The following CCT7 variants were observed in gnomAD, a reference collection of about 807,000 sequenced individuals.
The protein encoded by CCT7 is chaperonin containing TCP1 subunit 7.
A neutral mutation model predicts 56.6 loss-of-function variants in CCT7; 16 were observed. The ratio of observed to expected loss-of-function variants is 0.28; its 90% CI spans 0.19 to 0.43. The LOEUF (loss-of-function observed/expected upper bound fraction) is 0.43, where lower values mean the gene tolerates loss of function less well. Ranked by LOEUF, CCT7 falls within the 20% of genes least tolerant of loss-of-function variation. CCT7 has a pLI of 1.00. For synonymous variants in CCT7, 262 were observed against 254.8 expected (o/e 1.03, Z -0.27); for missense variants, 519 against 685.6 (o/e 0.76, Z 2.71).
chr2:73,245,672 C>G (rs1687303843), intron 6 of CCT7, among the ~76,000 whole-genome samples: 1 of 152,176 alleles, frequency 6.6e-6, no homozygotes, highest in African/African-American at 2.4e-5. Flanking sequence ...TCAGTGACCT[C>G]AACTGAAGCG....
intron 10 of CCT7, 82 bp from the exon 11 acceptor site, chr2:73,251,144 C>T: frequency 3.1e-6 from 4 of 1,283,190 alleles, no homozygotes; most frequent in East Asian, 4.7e-5. Flanking sequence ...TCTTTCTGGG[C>T]TGAAGGGACC....
chr2:73,243,909 A>G, intron 4 of CCT7, 88 bp from the exon 5 acceptor site: 5 of 1,217,236 alleles, frequency 4.1e-6, no homozygotes. Context: ...TTTGGGAGTG[A>G]ACAGACTCAG....
chr2:73,244,569 T>C lies in CCT7; in HGVS notation c.472T>C (p.Cys158Arg). The part of the protein sequence containing the change: ...KVEQRKLLEK[C>R]AMTALSSKLI... ...GGAGCAGAGGAAGCTGCTGGAAAAG[T>C]GTGCCATGACCGCTCTGAGCTCCAA... The change falls in exon 6 of 12, where the codon TGT becomes CGT. Residue 158 changes from cysteine to arginine, a missense_variant. Transcript: ENST00000258091. 1 of 1,612,714 alleles carries C rather than the reference T, an allele frequency of 6.2e-7. No homozygotes were observed. Among genetic ancestry groups the C allele is most frequent in the African/African-American group, 1.3e-5 (1 of 75,008 alleles).
chr2:73,235,087 T>TACCA (rs1686816200), intron 1 of CCT7, among the ~76,000 whole-genome samples: 1 of 152,146 alleles, frequency 6.6e-6, no homozygotes, highest in African/African-American at 2.4e-5. Flanking sequence ...CGGACTCTGG[T>TACCA]GACATAAGAA....
intron 11 of CCT7, among the ~76,000 whole-genome samples, chr2:73,251,736 G>A (rs1261780055): frequency 1.3e-5 from 2 of 152,156 alleles, no homozygotes; most frequent in Admixed American, 6.5e-5. Context: ...TCAGGAGTTC[G>A]AGACCAGCCT....
Position 73,252,850 on chromosome 2 carries a change from C to A in CCT7, c.1621C>A (p.Arg541Ser). Residue 541 changes from arginine (R) to serine (S), a missense_variant, in exon 12 of 12, where the codon CGC (arginine) becomes AGC (serine). This residue lies in a region of CCT7 where 237 missense variants were observed against 300.8 expected (regional missense o/e 0.79). Transcript: ENST00000258091. ...AGCAGGCCGGGGCCGTGGTCGTGGC[C>A]GCCCCCACTGAGAGGCACCCCACCC... is the stretch of plus-strand genomic sequence containing the variant. ...TAAGRGRGRG[R>S]PH 6.2e-7 allele frequency: 1 copy of A among 1,613,378 alleles called. No individual in the cohort carries two copies. The highest frequency in any genetic ancestry group is 1.3e-5 in the African/African-American group (1 of 75,042).
At chr2:73,236,686 G>A (rs922956292) in intron 1 of CCT7, among the ~76,000 whole-genome samples, 4 of 152,202 alleles carry the variant, frequency 2.6e-5, no homozygotes, top group African/African-American at 9.7e-5. Flanking sequence ...GAGGTTGAAA[G>A]TAACTAAGGG....
At chr2:73,240,771 T>G (rs575143245) in intron 3 of CCT7, among the ~76,000 whole-genome samples, 1 of 152,232 alleles carries the variant, frequency 6.6e-6, no homozygotes, top group Non-Finnish European at 1.5e-5. Flanking sequence ...TCTTTAGATA[T>G]AAGTCTACTG....
At chr2:73,242,829 A>T in intron 3 of CCT7, 175 bp from the exon 4 acceptor site, 1 of 680,526 alleles carries the variant, frequency 1.5e-6, no homozygotes, top group Non-Finnish European at 2.5e-6. Flanking sequence ...CATGATGGAT[A>T]TGTAACTACC....
At chr2:73,234,507 C>G (rs1408535187) in intron 1 of CCT7, 123 bp downstream of exon 1, 9 of 1,222,880 alleles carry the variant, frequency 7.4e-6, no homozygotes, top group Non-Finnish European at 1.0e-5. Context: ...CGCCCAGATC[C>G]CCAGCTTAGG....
At chr2:73,247,636 G>A (rs73944290) in intron 6 of CCT7, 126 bp from the exon 7 acceptor site, 21,403 of 684,348 alleles carry the variant, frequency 0.031, 1,042 homozygotes, top group African/African-American at 0.18. Flanking sequence ...CTGTGTTACA[G>A]CAGTGAAATA....
intron 4 of CCT7, chr2:73,243,761 G>T: frequency 2.1e-6 from 1 of 486,776 alleles, no homozygotes. Flanking sequence ...AATCTTGGAA[G>T]CACCCTGATT....
In CCT7 at chr2:73,248,670, G is replaced by C. The variant is rs185808539; in HGVS notation, c.784-321G>C. Among the ~76,000 whole-genome samples the C allele has an allele frequency of 1.3e-5, 2 of 152,200 alleles. 1 individual carries two copies. The highest frequency in any genetic ancestry group is 4.8e-5 in the African/African-American group (2 of 41,518). On this transcript the variant is annotated intron_variant, in intron 7 of 11. Coordinates refer to ENST00000258091, the MANE Select transcript of CCT7 (RefSeq NM_006429.4). ...GTGCCCGGCCAAAGGGGTCTTATTGGGAACTCCATGAATCCAGCACCTCAG... is the reference window on the plus strand; with the variant it reads ...GTGCCCGGCCAAAGGGGTCTTATTGCGAACTCCATGAATCCAGCACCTCAG...
intron 11 of CCT7, among the ~76,000 whole-genome samples, chr2:73,251,937 T>G (rs1212476337): frequency 2.8e-5 from 4 of 141,292 alleles, no homozygotes; most frequent in Non-Finnish European, 6.1e-5. Flanking sequence ...AGACTCCATC[T>G]CAAAAAAAAA....
At chr2:73,234,629 A>T (rs1158469492) in intron 1 of CCT7, among the ~76,000 whole-genome samples, 34 of 152,314 alleles carry the variant, frequency 2.2e-4, no homozygotes, top group African/African-American at 6.7e-4. Context: ...TGGGGACTAC[A>T]AGTCCCAGGG....
Position 73,243,990 on chromosome 2 carries a change from T to C in CCT7, c.394-7T>C. 6.2e-7 allele frequency: 1 copy of C among 1,613,866 alleles called. No individual in the cohort carries two copies. The highest frequency in any genetic ancestry group is 8.5e-7 in the Non-Finnish European group (1 of 1,179,808). Reference sequence around the variant, plus strand: ...TGAGAGACTCATTCAACTTCTGTTCTTGGCAGGCAGTTAACAAGATCAAAG... The same window carrying C: ...TGAGAGACTCATTCAACTTCTGTTCCTGGCAGGCAGTTAACAAGATCAAAG... On this transcript the variant is annotated splice_polypyrimidine_tract_variant and splice_region_variant and intron_variant, in intron 4 of 11. Coordinates refer to ENST00000258091, the MANE Select transcript of CCT7 (RefSeq NM_006429.4).
At chr2:73,239,868 A>G (rs1183376696) in intron 2 of CCT7, 72 bp downstream of exon 2, 1 of 1,345,424 alleles carries the variant, frequency 7.4e-7, no homozygotes, top group Admixed American at 2.1e-5. Flanking sequence ...GGACTAGCAT[A>G]GGTTGGTATC....
At chr2:73,237,135 G>T (rs1447507905) in intron 1 of CCT7, among the ~76,000 whole-genome samples, 1 of 152,228 alleles carries the variant, frequency 6.6e-6, no homozygotes. Context: ...GTGATAAAAA[G>T]TTGCGAGCAA....
chr2:73,248,494 G>A (rs1295896928), intron 7 of CCT7, among the ~76,000 whole-genome samples: 3 of 152,106 alleles, frequency 2.0e-5, no homozygotes, highest in Non-Finnish European at 2.9e-5. Flanking sequence ...GGGATTACAG[G>A]TATGTGCCAC....
Sources: allele counts gnomAD v4.1 joint callset (sites outside exome capture counted in the v4.1 genomes callset), GRCh38; gene constraint gnomAD v4.1.1; regional missense constraint gnomAD v4.1.1; transcripts MANE v1.5; gene names NCBI Gene and HGNC (gene_info 2026-07-23, HGNC 2026-07-21).